Variants in AUTS2 observed in about 807,000 individuals in gnomAD.
AUTS2 encodes the protein activator of transcription and developmental regulator AUTS2, also known as autism susceptibility gene 2 protein.
Under a neutral mutation model 112.4 loss-of-function variants are expected in AUTS2, and 17 were observed. The observed-to-expected ratio is 0.15, with a 90% CI of 0.10 to 0.23. AUTS2 has a LOEUF of 0.23. AUTS2 is among the 10% of genes least tolerant of loss of function. The probability of loss-of-function intolerance (pLI) is 1.00; values close to 1 mark genes in which losing one functional copy is unlikely to be tolerated. For synonymous variants in AUTS2, 751 were observed against 702.7 expected (o/e 1.07, Z -1.09); for missense variants, 1,510 against 1,701.6 (o/e 0.89, Z 1.98).
chr7:69,838,798 C>A (rs1220292058), intron 1 of AUTS2, among the ~76,000 whole-genome samples: 1 of 152,108 alleles, frequency 6.6e-6, no homozygotes, highest in Non-Finnish European at 1.5e-5. Flanking sequence ...CTTTATTCAG[C>A]CCTTGCTGTG....
intron 5 of AUTS2, among the ~76,000 whole-genome samples, chr7:70,646,677 C>T (rs1806180325): frequency 1.3e-5 from 2 of 152,262 alleles, no homozygotes; most frequent in African/African-American, 4.8e-5. Context: ...ATTTGTGCGG[C>T]ATCGAACAGA....
chr7:70,655,527 A>G (rs1431653006), intron 5 of AUTS2, among the ~76,000 whole-genome samples: 1 of 152,174 alleles, frequency 6.6e-6, no homozygotes, highest in Non-Finnish European at 1.5e-5. Flanking sequence ...CTCATGTGGC[A>G]CCGTGCTTTA....
chr7:69,987,059 T>C (rs947767443), intron 2 of AUTS2, among the ~76,000 whole-genome samples: 1 of 152,164 alleles, frequency 6.6e-6, no homozygotes, highest in African/African-American at 2.4e-5. Flanking sequence ...AATGTTGAGA[T>C]GAAAAGATTG....
intron 2 of AUTS2, among the ~76,000 whole-genome samples, chr7:70,055,182 G>A (rs1801936706): frequency 6.6e-6 from 1 of 151,966 alleles, no homozygotes; most frequent in Non-Finnish European, 1.5e-5. Context: ...CTTCTGTAAT[G>A]CCAGCACTTT....
intron 2 of AUTS2, among the ~76,000 whole-genome samples, chr7:69,940,300 G>A (rs1446211442): frequency 2.0e-5 from 3 of 152,136 alleles, no homozygotes; most frequent in Non-Finnish European, 2.9e-5. Flanking sequence ...GCAACAGGGC[G>A]AATTAACCTA....
intron 1 of AUTS2, among the ~76,000 whole-genome samples, chr7:69,767,459 C>T (rs1584215203): frequency 6.6e-6 from 1 of 152,154 alleles, no homozygotes; most frequent in Non-Finnish European, 1.5e-5. Flanking sequence ...ATTATAGAGA[C>T]GTGAGCCACC....
In AUTS2 at chr7:69,753,132, C is replaced by T. The variant is rs1038294793; in HGVS notation, c.310-146154C>T. On this transcript the variant is annotated intron_variant, in intron 1 of 18. Transcript: ENST00000342771. ...TAAAATGGGATGGTAATAGCTACCTCGCAGTTGGAAAACTTAAATGTGATC... is the reference window on the plus strand; with the variant it reads ...TAAAATGGGATGGTAATAGCTACCTTGCAGTTGGAAAACTTAAATGTGATC... 2.6e-5 allele frequency among the ~76,000 whole-genome samples: 4 copies of T among 152,132 alleles called. No individual in the cohort carries two copies. The South Asian group carries it at 6.2e-4, about 24-fold the overall frequency.
chr7:69,878,027 A>G (rs1242843287), intron 1 of AUTS2, among the ~76,000 whole-genome samples: 1 of 152,182 alleles, frequency 6.6e-6, no homozygotes, highest in East Asian at 1.9e-4. Context: ...AGATGCCTGC[A>G]TAGCATAGTG....
At chr7:70,195,541 C>T (rs1006992919) in intron 4 of AUTS2, among the ~76,000 whole-genome samples, 9 of 152,124 alleles carry the variant, frequency 5.9e-5, no homozygotes, top group Admixed American at 4.6e-4. Flanking sequence ...GTCCCGGCTA[C>T]TTGGGAAGCT....
intron 2 of AUTS2, among the ~76,000 whole-genome samples, chr7:69,917,186 T>TG (rs549064596): frequency 2.0e-5 from 3 of 151,918 alleles, no homozygotes; most frequent in Non-Finnish European, 4.4e-5. Context: ...GCTAATTGTG[T>TG]GGGTTTTTTT....
At chr7:70,193,927 T>C (rs1298971742) in intron 4 of AUTS2, among the ~76,000 whole-genome samples, 1 of 152,240 alleles carries the variant, frequency 6.6e-6, no homozygotes, top group African/African-American at 2.4e-5. Context: ...GAATAATGAA[T>C]TTAGCATAAT....
intron 3 of AUTS2, among the ~76,000 whole-genome samples, chr7:70,120,680 CT>C (rs1805636810): frequency 6.6e-6 from 1 of 152,092 alleles, no homozygotes; most frequent in African/African-American, 2.4e-5. Flanking sequence ...GGCTTGTTTC[CT>C]CTAACTCACT....
At chr7:70,087,711 G>C (rs904617511) in intron 2 of AUTS2, among the ~76,000 whole-genome samples, 1 of 152,038 alleles carries the variant, frequency 6.6e-6, no homozygotes, top group Non-Finnish European at 1.5e-5. Context: ...TCTATATCAG[G>C]ATAATTCTGA....
At chr7:70,625,574 T>G (rs1804895378) in intron 5 of AUTS2, among the ~76,000 whole-genome samples, 1 of 152,232 alleles carries the variant, frequency 6.6e-6, no homozygotes, top group African/African-American at 2.4e-5. Flanking sequence ...GGATAAAGGC[T>G]AAGTCTTACT....
At chr7:69,985,195 C>T (rs1408123245) in intron 2 of AUTS2, among the ~76,000 whole-genome samples, 1 of 143,440 alleles carries the variant, frequency 7.0e-6, no homozygotes, top group Non-Finnish European at 1.5e-5. Flanking sequence ...CATGCCACTG[C>T]ACTCTAGCCT....
chr7:70,342,136 C>G (rs1006261277), intron 4 of AUTS2, among the ~76,000 whole-genome samples: 14 of 152,070 alleles, frequency 9.2e-5, no homozygotes, highest in Non-Finnish European at 2.1e-4. Flanking sequence ...TGCCTGTCCT[C>G]TCTCTCTCCC....
At chr7:69,971,586 C>T (rs1797852285) in intron 2 of AUTS2, among the ~76,000 whole-genome samples, 2 of 152,144 alleles carry the variant, frequency 1.3e-5, no homozygotes, top group Non-Finnish European at 2.9e-5. Flanking sequence ...TCCTGATGGC[C>T]TTTGATAGCC....
chr7:69,720,366 G>C (rs750241296), intron 1 of AUTS2, among the ~76,000 whole-genome samples: 3 of 152,098 alleles, frequency 2.0e-5, no homozygotes, highest in Admixed American at 6.6e-5. Flanking sequence ...TTCTATGATG[G>C]GAGTCCCAGC....
intron 5 of AUTS2, among the ~76,000 whole-genome samples, chr7:70,609,446 G>A (rs1287777528): frequency 2.1e-5 from 3 of 145,824 alleles, no homozygotes; most frequent in Admixed American, 6.9e-5. Flanking sequence ...CCAGGCTGGA[G>A]TGCAGTGGTG....
Sources: gnomAD v4.1 joint callset for allele counts (sites outside exome capture counted in the v4.1 genomes callset) on GRCh38, gnomAD v4.1.1 for gene constraint, MANE v1.5 for transcripts, NCBI Gene and HGNC (gene_info 2026-07-23, HGNC 2026-07-21) for gene names.